The following PACSIN2 variants were observed in gnomAD, a reference collection of about 807,000 sequenced individuals.
The protein encoded by PACSIN2 is protein kinase C and casein kinase substrate in neurons 2, also known as protein kinase C and casein kinase substrate in neurons protein 2.
In PACSIN2, 25 loss-of-function variants were observed where a neutral mutation model predicts 63.8. The observed-to-expected ratio is 0.39, with a 90% CI of 0.29 to 0.55. PACSIN2 has a LOEUF of 0.55. Ranked by LOEUF, PACSIN2 falls within the 20% of genes least tolerant of loss-of-function variation. The pLI is 0.62. For missense variants in PACSIN2, 518 were observed against 646.9 expected (o/e 0.80, Z 2.16); for synonymous variants, 255 against 256.2 (o/e 1.00, Z 0.05).
chr22:42,962,789 G>A (rs983839157), intron 1 of PACSIN2, among the ~76,000 whole-genome samples: 4 of 141,368 alleles, frequency 2.8e-5, no homozygotes, highest in African/African-American at 5.3e-5. Context: ...GGGGGGGGGC[G>A]GCGCAGAAAA....
intron 1 of PACSIN2, among the ~76,000 whole-genome samples, chr22:42,945,302 TG>T (rs1461287384): frequency 2.6e-5 from 4 of 152,092 alleles, no homozygotes; most frequent in Non-Finnish European, 4.4e-5. Flanking sequence ...CTGTAGTGGC[TG>T]CAGTGTGCCT....
At chr22:42,938,729 C>G (rs1933017908) in intron 1 of PACSIN2, among the ~76,000 whole-genome samples, 1 of 152,208 alleles carries the variant, frequency 6.6e-6, no homozygotes, top group Non-Finnish European at 1.5e-5. Flanking sequence ...CCCACTCCAC[C>G]TGGAGCTCCA....
intron 2 of PACSIN2, among the ~76,000 whole-genome samples, chr22:42,907,308 T>A (rs1000864212): frequency 6.6e-6 from 1 of 152,228 alleles, no homozygotes; most frequent in African/African-American, 2.4e-5. Context: ...AGCCATCCAA[T>A]CTGCTTTTCT....
At chr22:42,935,834 G>A (rs1386574620) in intron 1 of PACSIN2, among the ~76,000 whole-genome samples, 1 of 152,034 alleles carries the variant, frequency 6.6e-6, no homozygotes, top group African/African-American at 2.4e-5. Context: ...GGGCTCCATG[G>A]CACCCCTGAG....
At chr22:42,939,757 C>T (rs1341671255) in intron 1 of PACSIN2, among the ~76,000 whole-genome samples, 1 of 152,186 alleles carries the variant, frequency 6.6e-6, no homozygotes, top group Non-Finnish European at 1.5e-5. Flanking sequence ...TCCTTACCTA[C>T]AAGAGGGAGA....
At chr22:43,005,842 C>T (rs1468102971) in intron 1 of PACSIN2, among the ~76,000 whole-genome samples, 1 of 152,082 alleles carries the variant, frequency 6.6e-6, no homozygotes, top group African/African-American at 2.4e-5. Flanking sequence ...TGTATGGATC[C>T]CCTCAAAATT....
chr22:42,996,284 A>G, intron 1 of PACSIN2, among the ~76,000 whole-genome samples: 1 of 151,974 alleles, frequency 6.6e-6, no homozygotes, highest in Non-Finnish European at 1.5e-5. Flanking sequence ...CTGTAATCCT[A>G]GCACTTTGGG....
chr22:42,919,772 C>CAAAAAAAAAAAAAAAAAAAAAA (rs761464603), intron 1 of PACSIN2, among the ~76,000 whole-genome samples: 1 of 48,790 alleles, frequency 2.0e-5, no homozygotes, highest in African/African-American at 6.3e-5. Flanking sequence ...GAACCTGTCT[C>CAAAAAAAAAAAAAAAAAAAAAA]AAAAAAAAAA....
intron 8 of PACSIN2, among the ~76,000 whole-genome samples, chr22:42,878,167 G>T (rs1928789649): frequency 6.6e-6 from 1 of 152,254 alleles, no homozygotes; most frequent in East Asian, 1.9e-4. Flanking sequence ...GGGCCCCCAG[G>T]GTCTCCTCTG....
At chr22:42,890,372 T>G (rs1167671226) in intron 4 of PACSIN2, among the ~76,000 whole-genome samples, 1 of 152,236 alleles carries the variant, frequency 6.6e-6, no homozygotes, top group Non-Finnish European at 1.5e-5. Flanking sequence ...GAGCTTGGGC[T>G]TTGAGCTCTA....
chr22:43,005,857 T>A (rs1315404318), intron 1 of PACSIN2, among the ~76,000 whole-genome samples: 1 of 152,138 alleles, frequency 6.6e-6, no homozygotes, highest in Non-Finnish European at 1.5e-5. Flanking sequence ...AAAATTCATA[T>A]GTTGAAATTC....
intron 1 of PACSIN2, among the ~76,000 whole-genome samples, chr22:42,926,625 A>T (rs1932550996): frequency 6.6e-6 from 1 of 151,860 alleles, no homozygotes; most frequent in African/African-American, 2.4e-5. Flanking sequence ...GGGAAAACAC[A>T]TCTTGTTTCA....
chr22:42,911,369 C>T (rs1931444723), intron 2 of PACSIN2, among the ~76,000 whole-genome samples: 1 of 149,392 alleles, frequency 6.7e-6, no homozygotes, highest in South Asian at 2.1e-4. Flanking sequence ...ATGATGGTGC[C>T]ACTGAACTCC....
intron 1 of PACSIN2, among the ~76,000 whole-genome samples, chr22:42,947,231 C>T (rs1042178228): frequency 6.6e-6 from 1 of 152,116 alleles, no homozygotes; most frequent in African/African-American, 2.4e-5. Flanking sequence ...GCAGAGTGAG[C>T]AGGAAGGAGG....
chr22:42,887,386 T>G (rs1929571467), intron 5 of PACSIN2, among the ~76,000 whole-genome samples: 1 of 152,204 alleles, frequency 6.6e-6, no homozygotes, highest in South Asian at 2.1e-4. Flanking sequence ...ACTTAACCTC[T>G]CTGATCTTGG....
At chr22:42,928,541 AATATGTAAGTTGTCAGAGTGTT>A (rs1932678935) in intron 1 of PACSIN2, among the ~76,000 whole-genome samples, 2 of 152,222 alleles carry the variant, frequency 1.3e-5, no homozygotes, top group East Asian at 3.8e-4. Context: ...AAACTCCTTT[AATATGTAAGTTGTCAGAGTGTT>A]TCACTGGGCC....
chr22:42,947,610 T>C (rs1012014414), intron 1 of PACSIN2, among the ~76,000 whole-genome samples: 4 of 146,448 alleles, frequency 2.7e-5, no homozygotes, highest in African/African-American at 1.0e-4. Flanking sequence ...CACGCTAGCC[T>C]GGATGCACAA....
chr22:42,879,100 G>C lies in PACSIN2; in HGVS notation c.976C>G (p.Leu326Val). ...EKKKATDGVT[L>V]TGINQTGDQS... is the part of the protein sequence containing the mutation. ...TCGCCTGTCTGGTTGATGCCCGTCA[G>C]GGTGACGCCGTCAGTGGCCTTCTTC... Residue 326 changes from leucine to valine, a missense_variant, in exon 8 of 11, where the codon CTG (leucine) becomes GTG (valine). By Grantham distance (32) the Leu-to-Val change is conservative (BLOSUM62 1). This residue lies in a region of PACSIN2 where 507 missense variants were observed against 612.3 expected (regional missense o/e 0.83). Coordinates refer to ENST00000263246, the MANE Select transcript of PACSIN2 (RefSeq NM_001184970.3). The C allele has an allele frequency of 1.2e-6, 2 of 1,614,174 alleles. No individual in the cohort carries two copies. Among genetic ancestry groups the C allele is most frequent in the Non-Finnish European group, 1.7e-6 (2 of 1,180,010 alleles).
chr22:42,984,316 A>G (rs554825614), intron 1 of PACSIN2, among the ~76,000 whole-genome samples: 4,196 of 152,216 alleles, frequency 0.028, 80 homozygotes, highest in Non-Finnish European at 0.042. Context: ...GCCCTCAATG[A>G]AAAGAAACAA....
Sources: allele counts gnomAD v4.1 joint callset (sites outside exome capture counted in the v4.1 genomes callset), GRCh38; gene constraint gnomAD v4.1.1; regional missense constraint gnomAD v4.1.1; transcripts MANE v1.5; gene names NCBI Gene and HGNC (gene_info 2026-07-23, HGNC 2026-07-21).